GDI2: variants seen among roughly 807,000 people sequenced by gnomAD.
GDI2 encodes the protein rab GDP dissociation inhibitor beta.
Under a neutral mutation model 54.2 loss-of-function variants are expected in GDI2, and 22 were observed. That is an observed-to-expected ratio of 0.41 (90% CI 0.29 to 0.58). The LOEUF (loss-of-function observed/expected upper bound fraction) is 0.58. Ranked by LOEUF, GDI2 falls within the 20% of genes least tolerant of loss-of-function variation. The pLI is 0.35. For synonymous variants in GDI2, 177 were observed against 182.1 expected (o/e 0.97, Z 0.23); for missense variants, 422 against 546.0 (o/e 0.77, Z 2.26).
intron 4 of GDI2, among the ~76,000 whole-genome samples, chr10:5,788,408 C>T (rs187782060): frequency 1.6e-4 from 24 of 152,282 alleles, no homozygotes; most frequent in South Asian, 1.2e-3. Flanking sequence ...CTTTCCCCCA[C>T]AGCAATGGAT....
chr10:5,770,228 CGAG>C (rs1168334392), intron 7 of GDI2, among the ~76,000 whole-genome samples: 2 of 152,098 alleles, frequency 1.3e-5, no homozygotes, highest in African/African-American at 2.4e-5. Flanking sequence ...AAGCAGAGAA[CGAG>C]GAGTTATTAC....
intron 2 of GDI2, among the ~76,000 whole-genome samples, chr10:5,798,289 T>C (rs1801796475): frequency 6.6e-6 from 1 of 152,162 alleles, no homozygotes; most frequent in Admixed American, 6.5e-5. Context: ...AGTAAGTATT[T>C]ATTCAATAAA....
chr10:5,783,857 AC>A (rs1207718008), intron 6 of GDI2, among the ~76,000 whole-genome samples: 1 of 152,206 alleles, frequency 6.6e-6, no homozygotes, highest in African/African-American at 2.4e-5. Context: ...CTTTTGACTC[AC>A]AGCTCTTAAG....
intron 7 of GDI2, among the ~76,000 whole-genome samples, chr10:5,770,564 A>C (rs1840463817): frequency 6.6e-6 from 1 of 151,676 alleles, no homozygotes; most frequent in Non-Finnish European, 1.5e-5. Context: ...TCCATCTCAA[A>C]AAAAAAGAAG....
At chr10:5,789,677 C>T (rs72772378) in intron 4 of GDI2, among the ~76,000 whole-genome samples, 2,593 of 152,188 alleles carry the variant, frequency 0.017, 23 homozygotes, top group Middle Eastern at 0.041. Flanking sequence ...GTCATGAATG[C>T]TAAAATATAT....
Position 5,768,221 on chromosome 10 carries a change from C to T in GDI2, c.983G>A (p.Arg328Gln), listed in dbSNP as rs1448273811. The change falls in exon 8 of 11, where the codon CGA becomes CAA. Residue 328 changes from arginine to glutamine, a missense_variant. Coordinates refer to ENST00000380191, the MANE Select transcript of GDI2 (RefSeq NM_001494.4). This position sits in a 1 kb window ranked among gnomAD's most constrained non-coding sequence, Gnocchi z 4.4. ...TGGTCTTCAAACCTCACCTGACTTT[C>T]GATTGACTTGGTTCTGTGGAATAAT... Reference protein sequence around the residue: ...QIIIPQNQVNRKSDIYVCMIS... With the variant: ...QIIIPQNQVNQKSDIYVCMIS... 1.9e-6 allele frequency: 3 copies of T among 1,612,430 alleles called. No individual in the cohort carries two copies. The highest frequency in any genetic ancestry group is 2.2e-5 in the South Asian group (2 of 90,998).
At chr10:5,780,209 CA>C (rs747338122) in intron 6 of GDI2, among the ~76,000 whole-genome samples, 21 of 89,538 alleles carry the variant, frequency 2.3e-4, no homozygotes, top group East Asian at 1.5e-3. Flanking sequence ...ATCGTGTCTC[CA>C]AAAAAAAAAA....
chr10:5,782,959 C>T (rs548789007), intron 6 of GDI2, among the ~76,000 whole-genome samples: 180 of 152,282 alleles, frequency 1.2e-3, no homozygotes, highest in African/African-American at 4.1e-3. Context: ...CTGACACATG[C>T]ATCAATATGG....
chr10:5,773,176 G>A (rs942955881), intron 7 of GDI2, among the ~76,000 whole-genome samples: 1 of 151,984 alleles, frequency 6.6e-6, no homozygotes, highest in African/African-American at 2.4e-5. Flanking sequence ...CCACCCAGGA[G>A]GTTGCTACAT....
intron 6 of GDI2, among the ~76,000 whole-genome samples, chr10:5,781,541 C>T (rs1447170752): frequency 6.8e-6 from 1 of 147,960 alleles, no homozygotes; most frequent in Admixed American, 6.9e-5. Flanking sequence ...AGGAGAATGG[C>T]GTGAACCCAG....
intron 1 of GDI2, among the ~76,000 whole-genome samples, chr10:5,808,021 T>C (rs1418106916): frequency 1.3e-5 from 2 of 152,148 alleles, no homozygotes; most frequent in Admixed American, 1.3e-4. Context: ...TATTTTGATA[T>C]ACCTTCCTAG....
intron 2 of GDI2, 30 bp from the exon 3 acceptor site, chr10:5,796,892 G>T: frequency 9.1e-7 from 1 of 1,096,212 alleles, no homozygotes; most frequent in East Asian, 2.4e-5. Context: ...TAGCCATAAT[G>T]TTAACAAAAT....
intron 4 of GDI2, among the ~76,000 whole-genome samples, chr10:5,793,531 T>C (rs1420811501): frequency 6.6e-6 from 1 of 152,202 alleles, no homozygotes; most frequent in Non-Finnish European, 1.5e-5. Flanking sequence ...TAATATTTTA[T>C]ACCCAATATT....
At chr10:5,780,044 T>C (rs762173882) in intron 6 of GDI2, among the ~76,000 whole-genome samples, 1 of 151,894 alleles carries the variant, frequency 6.6e-6, no homozygotes, top group Admixed American at 6.6e-5. Context: ...ACTCCATCTC[T>C]ACCAAAATAC....
At chr10:5,800,780 C>T (rs1296439692) in intron 1 of GDI2, 75 bp from the exon 2 acceptor site, 3 of 771,136 alleles carry the variant, frequency 3.9e-6, no homozygotes, top group African/African-American at 1.7e-5. Flanking sequence ...TTCAAGCCTG[C>T]CATTACACAT....
intron 3 of GDI2, 51 bp downstream of exon 3, chr10:5,796,712 T>C (rs868457638): frequency 1.1e-6 from 1 of 910,252 alleles, no homozygotes; most frequent in East Asian, 2.4e-5. Flanking sequence ...AGTTTTGATA[T>C]TAAAATTGTA....
chr10:5,791,455 A>T (rs1250219863), intron 4 of GDI2, among the ~76,000 whole-genome samples: 1 of 152,106 alleles, frequency 6.6e-6, no homozygotes, highest in African/African-American at 2.4e-5. Flanking sequence ...ACTAAAACAT[A>T]CAAAAATTAT....
intron 1 of GDI2, among the ~76,000 whole-genome samples, chr10:5,806,158 C>T (rs886629520): frequency 6.6e-6 from 1 of 152,210 alleles, no homozygotes; most frequent in African/African-American, 2.4e-5. Flanking sequence ...AGTGAGTCCC[C>T]ACTGTTTCAA....
At chr10:5,787,158 G>A (rs529170577) in intron 4 of GDI2, among the ~76,000 whole-genome samples, 58 of 152,274 alleles carry the variant, frequency 3.8e-4, no homozygotes, top group African/African-American at 1.3e-3. Flanking sequence ...TGTTTTGATA[G>A]ATTTAATATT....
Sources: allele counts gnomAD v4.1 joint callset (sites outside exome capture counted in the v4.1 genomes callset), GRCh38; gene constraint gnomAD v4.1.1; non-coding constraint Gnocchi (gnomAD v3.1); transcripts MANE v1.5; gene names NCBI Gene and HGNC (gene_info 2026-07-23, HGNC 2026-07-21).